The following CLCNKB variants were observed in gnomAD, a reference collection of about 807,000 sequenced individuals.
CLCNKB encodes chloride voltage-gated channel Kb.
CLCNKB carries 74 observed loss-of-function variants against 83.8 expected under a neutral mutation model. The ratio of observed to expected loss-of-function variants is 0.88; its 90% CI spans 0.73 to 1.07. The LOEUF (loss-of-function observed/expected upper bound fraction) is 1.07. Among genes scored for constraint, CLCNKB ranks in the 50% least tolerant of loss-of-function variants. The pLI is 0.00. For synonymous variants in CLCNKB, 358 were observed against 356.6 expected (o/e 1.00, Z -0.04); for missense variants, 798 against 893.6 (o/e 0.89, Z 1.36).
In CLCNKB at chr1:16,051,707, C is replaced by T. The variant is rs2023299815; in HGVS notation, c.1298-3C>T. 1 of 1,613,514 alleles carries T rather than the reference C, an allele frequency of 6.2e-7. No individual in the cohort carries two copies. Among genetic ancestry groups the T allele is most frequent in the Non-Finnish European group, 8.5e-7 (1 of 1,179,530 alleles). Reference sequence around the variant, plus strand: ...CTCCCCCTCACCCTAAGTCTGTGGCCAGGAGCTGCTATCGGGCGCCTCTTT... The same window carrying T: ...CTCCCCCTCACCCTAAGTCTGTGGCTAGGAGCTGCTATCGGGCGCCTCTTT... On this transcript the variant is annotated splice_polypyrimidine_tract_variant and splice_region_variant and intron_variant, in intron 13 of 19. Transcript: ENST00000375679.
intron 8 of CLCNKB, 25 bp downstream of exon 8, chr1:16,049,270 C>T (rs2023204973): frequency 3.1e-6 from 5 of 1,611,938 alleles, no homozygotes; most frequent in Non-Finnish European, 4.2e-6. Context: ...CTGCCTGACC[C>T]TGGCCCTGCC....
chr1:16,050,584 G>A lies in CLCNKB; in HGVS notation c.1037G>A (p.Arg346His), dbSNP rs770800260. 44 of 1,613,828 alleles carry A rather than the reference G, an allele frequency of 2.7e-5. No homozygotes were observed. The highest frequency in any genetic ancestry group is 1.6e-4 in the South Asian group (15 of 91,084). Residue 346 changes from arginine (R) to histidine (H), a missense_variant, in exon 11 of 20, where the codon CGC becomes CAC. Coordinates refer to ENST00000375679, the MANE Select transcript of CLCNKB (RefSeq NM_000085.5). ...ATCACCTACCCACCCAGCGCCGGCC[G>A]CTTCCTAGCTTCTCGGGTAAGGGGC... ...ASITYPPSAG[R>H]FLASRLSMKQ...
intron 5 of CLCNKB, 49 bp downstream of exon 5, chr1:16,048,093 C>A: frequency 6.3e-7 from 1 of 1,590,848 alleles, no homozygotes; most frequent in Non-Finnish European, 8.6e-7. Flanking sequence ...ACCCCAGCCA[C>A]CCCAGTCTCA....
intron 7 of CLCNKB, 197 bp from the exon 8 acceptor site, chr1:16,048,923 C>T (rs2023189960): frequency 6.9e-6 from 10 of 1,458,554 alleles, no homozygotes; most frequent in Non-Finnish European, 7.2e-6. Context: ...CACCCGCATT[C>T]CAGGCTGGAC....
At chr1:16,052,110 T>C in intron 14 of CLCNKB, 88 bp from the exon 15 acceptor site, 3 of 1,529,132 alleles carry the variant, frequency 2.0e-6, no homozygotes, top group Admixed American at 3.4e-5. Flanking sequence ...AAATCACACC[T>C]TAGCCCCTGG....
At chr1:16,048,129 T>G (rs1430192407) in intron 5 of CLCNKB, 85 bp downstream of exon 5, 2 of 1,525,914 alleles carry the variant, frequency 1.3e-6, no homozygotes, top group Non-Finnish European at 1.8e-6. Flanking sequence ...GAAAGCTGCG[T>G]CAGAGGGGAC....
chr1:16,048,966 G>T, intron 7 of CLCNKB, 154 bp from the exon 8 acceptor site: 1 of 1,534,802 alleles, frequency 6.5e-7, no homozygotes, highest in East Asian at 2.3e-5. Flanking sequence ...TCCCCGCCCA[G>T]GGCGCATGCC....
chr1:16,056,069 A>G (rs1173974817), intron 18 of CLCNKB, among the ~76,000 whole-genome samples: 3 of 152,192 alleles, frequency 2.0e-5, no homozygotes, highest in Non-Finnish European at 4.4e-5. Context: ...TTTCAGGTCC[A>G]CCGCATTCTC....
Position 16,048,536 on chromosome 1 carries a change from A to G in CLCNKB, c.609A>G (p.Ala203=), listed in dbSNP as rs2124091263. 6.2e-7 allele frequency: 1 copy of G among 1,613,214 alleles called. No homozygotes were observed. Among genetic ancestry groups the G allele is most frequent in the East Asian group, 2.2e-5 (1 of 44,854 alleles). The change falls in exon 7 of 20, where the codon GCA becomes GCG. Residue 203 remains alanine (A), a synonymous_variant. Transcript: ENST00000375679. ...NKSKQNEMLV[A]AAAVGVATVF... ...GCAAGCAAAACGAAATGCTGGTGGC[A>G]GCGGCGGCAGTGGGCGTGGCCACAG...
At position 16,051,721 on chromosome 1, in the gene CLCNKB, G is replaced by A. The variant is rs755714542; in HGVS notation, c.1309G>A (p.Gly437Arg). ...AAGTCTGTGGCCAGGAGCTGCTATC[G>A]GGCGCCTCTTTGGGGAGACTCTCTC... Reference protein sequence around the residue: ...MPIFVYGAAIGRLFGETLSFI... With the variant: ...MPIFVYGAAIRRLFGETLSFI... The change falls in exon 14 of 20, where the codon GGG becomes AGG. Residue 437 changes from glycine (G) to arginine (R), a missense_variant. By Grantham distance (125) the Gly-to-Arg change is moderately radical. Coordinates refer to ENST00000375679, the MANE Select transcript of CLCNKB (RefSeq NM_000085.5). 1.6e-5 allele frequency: 26 copies of A among 1,613,742 alleles called. No homozygotes were observed. The highest frequency in any genetic ancestry group is 6.7e-5 in the East Asian group (3 of 44,872).
intron 5 of CLCNKB, 68 bp downstream of exon 5, chr1:16,048,112 A>AC (rs1286125728): frequency 1.3e-6 from 2 of 1,563,926 alleles, no homozygotes; most frequent in Non-Finnish European, 1.7e-6. Context: ...CACCCCCATC[A>AC]CCCCACGAAA....
chr1:16,056,879 C>G lies in CLCNKB; in HGVS notation c.2027C>G (p.Ala676Gly). 1 of 1,472,022 alleles carries G rather than the reference C, an allele frequency of 6.8e-7. No homozygotes were observed. Among genetic ancestry groups the G allele is most frequent in the Non-Finnish European group, 9.1e-7 (1 of 1,095,464 alleles). The allele number at this position is 1,472,022 out of a possible 1,614,324, so 91.2% of individuals were successfully genotyped here. The change falls in exon 20 of 20, where the codon GCA (alanine) becomes GGA (glycine). Residue 676 changes from alanine to glycine, a missense_variant. Transcript: ENST00000375679. ...GCVSWVEMKK[A>G]ISNLTNPPAP... ...CTTTCTCTGTTCTAGATGAAGAAAGCAATTTCCAACCTGACAAATCCGCCA... is the reference window on the plus strand; with the variant it reads ...CTTTCTCTGTTCTAGATGAAGAAAGGAATTTCCAACCTGACAAATCCGCCA...
At chr1:16,049,297 G>C (rs1162969964) in intron 8 of CLCNKB, 52 bp downstream of exon 8, 1 of 1,607,670 alleles carries the variant, frequency 6.2e-7, no homozygotes, top group South Asian at 1.1e-5. Flanking sequence ...CCGGGGCGAG[G>C]GGGCCCTCCC....
At chr1:16,054,544 T>C (rs918239411) in intron 16 of CLCNKB, among the ~76,000 whole-genome samples, 9 of 152,126 alleles carry the variant, frequency 5.9e-5, no homozygotes, top group Non-Finnish European at 1.2e-4. Context: ...ATCTTGAAAG[T>C]AGGGATCAAG....
chr1:16,056,210 A>G (rs557669330), intron 18 of CLCNKB, among the ~76,000 whole-genome samples: 30 of 152,068 alleles, frequency 2.0e-4, no homozygotes, highest in African/African-American at 7.2e-4. Context: ...GGTGCTGGAT[A>G]TTAGGTCCTG....
chr1:16,046,611 C>A lies in CLCNKB; in HGVS notation c.306C>A (p.Ala102=). ...TCTCCTGGACTGTGTACCCTGTGGC[C>A]CTCGTCTCTTTCTCTTCAGGCTTCT... is the stretch of plus-strand genomic sequence containing the variant. The part of the protein sequence containing the change: ...RYLSWTVYPV[A]LVSFSSGFSQ... Residue 102 remains alanine (A), a synonymous_variant, in exon 4 of 20, where the codon GCC becomes GCA. Transcript: ENST00000375679. 6.2e-7 allele frequency: 1 copy of A among 1,614,126 alleles called. No homozygotes were observed.
At chr1:16,049,289 G>T (rs768306627) in intron 8 of CLCNKB, 44 bp downstream of exon 8, 2 of 1,608,408 alleles carry the variant, frequency 1.2e-6, no homozygotes, top group South Asian at 1.1e-5. Flanking sequence ...CCTGGGGGCC[G>T]GGGCGAGGGG....
chr1:16,046,575 G>A lies in CLCNKB; in HGVS notation c.270G>A (p.Leu90=). 3.1e-6 allele frequency: 5 copies of A among 1,614,116 alleles called. No individual in the cohort carries two copies. Among genetic ancestry groups the A allele is most frequent in the South Asian group, 1.1e-5 (1 of 91,080 alleles). The change falls in exon 4 of 20, where the codon CTG becomes CTA. Residue 90 remains leucine, a synonymous_variant. Coordinates refer to ENST00000375679, the MANE Select transcript of CLCNKB (RefSeq NM_000085.5). ...ACAGGGAGATTGGGGACAGCCACCTGCTCCGGTATCTCTCCTGGACTGTGT... is the reference window on the plus strand; with the variant it reads ...ACAGGGAGATTGGGGACAGCCACCTACTCCGGTATCTCTCCTGGACTGTGT... ...WLYREIGDSH[L]LRYLSWTVYP...
At chr1:16,052,773 C>T (rs975836145) in intron 15 of CLCNKB, among the ~76,000 whole-genome samples, 6 of 152,160 alleles carry the variant, frequency 3.9e-5, no homozygotes, top group South Asian at 2.1e-4. Context: ...TCCTGCTGTC[C>T]TTGCTGGGAC....
Sources: allele counts gnomAD v4.1 joint callset (sites outside exome capture counted in the v4.1 genomes callset), GRCh38; gene constraint gnomAD v4.1.1; transcripts MANE v1.5; gene names NCBI Gene and HGNC (gene_info 2026-07-23, HGNC 2026-07-21).